Variants in KCND3 observed in about 807,000 individuals in gnomAD.
KCND3 encodes the protein A-type voltage-gated potassium channel KCND3.
KCND3 carries 9 observed loss-of-function variants against 51.1 expected under a neutral mutation model. That is an observed-to-expected ratio of 0.18 (90% confidence interval 0.11 to 0.31). The LOEUF is 0.31. Ranked by LOEUF, KCND3 falls within the 10% of genes least tolerant of loss-of-function variation. KCND3 has a pLI of 1.00. For synonymous variants in KCND3, 349 were observed against 368.0 expected (o/e 0.95, Z 0.59); for missense variants, 526 against 903.8 (o/e 0.58, Z 5.36).
intron 2 of KCND3, among the ~76,000 whole-genome samples, chr1:111,930,288 C>A (rs999770782): frequency 1.3e-5 from 2 of 152,070 alleles, no homozygotes; most frequent in Admixed American, 1.3e-4. Flanking sequence ...GAGGGAACCC[C>A]AAAAGGGGGT....
chr1:111,807,312 T>C (rs57389405), intron 2 of KCND3, among the ~76,000 whole-genome samples: 12,465 of 152,314 alleles, frequency 0.082, 894 homozygotes, highest in African/African-American at 0.18. Flanking sequence ...ACTGTACCTT[T>C]TCTATGTTTA....
At position 111,780,070 on chromosome 1, in the gene KCND3, G is replaced by T. The variant is rs1392036903; in HGVS notation, c.1461+155C>A. Among the ~76,000 whole-genome samples the T allele has an allele frequency of 6.6e-6, 1 of 152,192 alleles. No homozygotes were observed. Among genetic ancestry groups the T allele is most frequent in the African/African-American group, 2.4e-5 (1 of 41,448 alleles). On this transcript the variant is annotated intron_variant, in intron 5 of 7. Coordinates refer to ENST00000302127, the MANE Select transcript of KCND3 (RefSeq NM_001378969.1). This position sits in a 1 kb window ranked among gnomAD's most constrained non-coding sequence, Gnocchi z 4.2. ...CTGGTGACCTTGCCCCACTCCTCAGGGTCTTCCACCTGAGGGCCAGTAGAT... is the reference window on the plus strand; with the variant it reads ...CTGGTGACCTTGCCCCACTCCTCAGTGTCTTCCACCTGAGGGCCAGTAGAT...
In KCND3 at chr1:111,983,043, G is replaced by A. The variant is rs147254704; in HGVS notation, c.-72-245C>T. On this transcript the variant is annotated intron_variant, in intron 1 of 7. Transcript: ENST00000302127. ...GATGTTGCTGACTGCCTGACAAATC[G>A]TCAAGCTCCAAGAGGGCTCAAGAGC... is the stretch of plus-strand genomic sequence containing the variant. Among the ~76,000 whole-genome samples, 1,616 of 152,278 alleles carry A rather than the reference G, an allele frequency of 0.011. 10 individuals are homozygous for A. Among genetic ancestry groups the A allele is most frequent in the Non-Finnish European group, 0.018 (1,255 of 68,034 alleles).
intron 2 of KCND3, among the ~76,000 whole-genome samples, chr1:111,911,368 A>G (rs1356223400): frequency 1.3e-5 from 2 of 152,196 alleles, no homozygotes; most frequent in Non-Finnish European, 1.5e-5. Context: ...GGAGTAGGTA[A>G]AAAAGTATTT....
At chr1:111,967,327 C>T (rs1328023627) in intron 2 of KCND3, among the ~76,000 whole-genome samples, 4 of 152,030 alleles carry the variant, frequency 2.6e-5, no homozygotes, top group Non-Finnish European at 5.9e-5. Context: ...CTTAAGTGTC[C>T]GTCTGAGCTC....
intron 2 of KCND3, among the ~76,000 whole-genome samples, chr1:111,966,441 G>A (rs1673989956): frequency 6.6e-6 from 1 of 152,086 alleles, no homozygotes; most frequent in African/African-American, 2.4e-5. Context: ...GGCTGGGGTG[G>A]TAGGAGACAG....
intron 2 of KCND3, among the ~76,000 whole-genome samples, chr1:111,862,823 C>T (rs1273729908): frequency 6.6e-6 from 1 of 152,196 alleles, no homozygotes; most frequent in African/African-American, 2.4e-5. Context: ...TCAGTCTGCA[C>T]ACCTATCTGT....
intron 3 of KCND3, among the ~76,000 whole-genome samples, chr1:111,784,499 C>G (rs115948678): frequency 0.018 from 2,716 of 152,274 alleles, 70 homozygotes; most frequent in African/African-American, 0.062. Flanking sequence ...ATAGACTAAT[C>G]TTAGTAATAA....
In KCND3 at chr1:111,776,009, T is replaced by C; in HGVS notation, c.*68A>G. ...GAAAGGGGGGAGGGAGTGGTCTCAG[T>C]GACCACCCACCAACATGCCAGTCCC... On this transcript the variant is annotated 3_prime_UTR_variant, in exon 8 of 8. Coordinates refer to ENST00000302127, the MANE Select transcript of KCND3 (RefSeq NM_001378969.1). 6.6e-7 allele frequency: 1 copy of C among 1,521,574 alleles called. No individual in the cohort carries two copies. The highest frequency in any genetic ancestry group is 9.1e-7 in the Non-Finnish European group (1 of 1,096,192). 94.3% of individuals were successfully genotyped at this position (1,521,574 alleles called of 1,614,324 possible). A position where few individuals can be genotyped will look rare whatever the true frequency, so the allele number is the denominator to read the frequency against.
intron 2 of KCND3, among the ~76,000 whole-genome samples, chr1:111,797,423 C>T (rs889895152): frequency 1.3e-5 from 2 of 151,960 alleles, no homozygotes; most frequent in Non-Finnish European, 2.9e-5. Context: ...CCAGTACTTT[C>T]CCCCCCATCC....
chr1:111,908,790 T>C (rs1670772186), intron 2 of KCND3, among the ~76,000 whole-genome samples: 1 of 151,936 alleles, frequency 6.6e-6, no homozygotes, highest in African/African-American at 2.4e-5. Flanking sequence ...CCCATTCCCT[T>C]CCCCAACTTT....
In KCND3 at chr1:111,864,378, C is replaced by T. The variant is rs114856075; in HGVS notation, c.1107-77272G>A. Among the ~76,000 whole-genome samples the T allele has an allele frequency of 6.6e-3, 1,000 of 152,256 alleles. 8 individuals are homozygous for T. The highest frequency in any genetic ancestry group is 7.7e-3 in the Non-Finnish European group (522 of 68,026). On this transcript the variant is annotated intron_variant, in intron 2 of 7. Coordinates refer to ENST00000302127, the MANE Select transcript of KCND3 (RefSeq NM_001378969.1). ...GGGGAAATCTCAGGTAAGAATTTCC[C>T]TTCAGTAAGAACTTACTTTGCTGTG...
rs562985149 is a variant in KCND3, at chr1:111,815,726, T to C, written c.1107-28620A>G. Reference sequence around the variant, plus strand: ...CTATATTGAAGTCTCTTTTCCCCCGTTGCAATAGTCCCGAATAACATATAT... The same window carrying C: ...CTATATTGAAGTCTCTTTTCCCCCGCTGCAATAGTCCCGAATAACATATAT... On this transcript the variant is annotated intron_variant, in intron 2 of 7. Coordinates refer to ENST00000302127, the MANE Select transcript of KCND3 (RefSeq NM_001378969.1). Among the ~76,000 whole-genome samples, 8 of 152,112 alleles carry C rather than the reference T, an allele frequency of 5.3e-5. No individual in the cohort carries two copies. In the South Asian group the frequency reaches 1.7e-3, roughly 32 times the overall value.
intron 2 of KCND3, among the ~76,000 whole-genome samples, chr1:111,959,402 C>T (rs1270825485): frequency 6.6e-6 from 1 of 152,178 alleles, no homozygotes; most frequent in African/African-American, 2.4e-5. Context: ...AACAGTCCTC[C>T]CTTCCCACCC....
At chr1:111,853,796 T>C (rs955314156) in intron 2 of KCND3, 7 of 152,236 alleles carry the variant, frequency 4.6e-5, no homozygotes, top group Non-Finnish European at 1.0e-4. Context: ...AATGAATAAA[T>C]GATTAACCTC....
At chr1:111,867,931 G>C (rs938960788) in intron 2 of KCND3, among the ~76,000 whole-genome samples, 7 of 152,172 alleles carry the variant, frequency 4.6e-5, no homozygotes, top group Non-Finnish European at 1.0e-4. Flanking sequence ...TGACATGGAG[G>C]AAGTCGCTCT....
At chr1:111,935,117 G>A (rs796226498) in intron 2 of KCND3, among the ~76,000 whole-genome samples, 6 of 152,246 alleles carry the variant, frequency 3.9e-5, no homozygotes, top group African/African-American at 1.4e-4. Context: ...ATAAACACAA[G>A]TCTTATGGTT....
chr1:111,973,490 C>T (rs529821573), intron 2 of KCND3, among the ~76,000 whole-genome samples: 7 of 152,340 alleles, frequency 4.6e-5, no homozygotes, highest in Admixed American at 3.9e-4. Context: ...GCTATGTTTC[C>T]AGTCCTGTTG....
intron 2 of KCND3, among the ~76,000 whole-genome samples, chr1:111,863,809 G>A (rs1668437044): frequency 6.6e-6 from 1 of 152,200 alleles, no homozygotes; most frequent in African/African-American, 2.4e-5. Context: ...AATGCAGCAG[G>A]ATGCAGGGAG....
Sources: allele counts gnomAD v4.1 joint callset (sites outside exome capture counted in the v4.1 genomes callset), GRCh38; gene constraint gnomAD v4.1.1; non-coding constraint Gnocchi (gnomAD v3.1); transcripts MANE v1.5; gene names NCBI Gene and HGNC (gene_info 2026-07-23, HGNC 2026-07-21).